PTPRD: variants seen among roughly 807,000 people sequenced by gnomAD.
PTPRD encodes the protein receptor-type tyrosine-protein phosphatase delta.
Under a neutral mutation model 214.5 loss-of-function variants are expected in PTPRD, and 34 were observed. The ratio of observed to expected loss-of-function variants is 0.16; its 90% CI spans 0.12 to 0.21. PTPRD has a LOEUF of 0.21. Ranked by LOEUF, PTPRD falls within the 10% of genes least tolerant of loss-of-function variation. The pLI, the probability that PTPRD is intolerant of heterozygous loss-of-function variation, is 1.00. For missense variants in PTPRD, 2,545 were observed against 2,398.7 expected (o/e 1.06, Z -1.27); for synonymous variants, 1,128 against 845.7 (o/e 1.33, Z -5.79).
At chr9:8,552,759 G>C (rs1419038731) in intron 14 of PTPRD, among the ~76,000 whole-genome samples, 2 of 152,168 alleles carry the variant, frequency 1.3e-5, no homozygotes, top group African/African-American at 2.4e-5. Flanking sequence ...GATTGATAAT[G>C]ACCATAAATT....
intron 4 of PTPRD, among the ~76,000 whole-genome samples, chr9:9,976,712 A>AAAAAAAAAAAAAAAAAAACAAAC (rs2095367893): frequency 7.8e-6 from 1 of 128,536 alleles, no homozygotes; most frequent in Non-Finnish European, 1.7e-5. Flanking sequence ...AAAAAAAAAA[A>AAAAAAAAAAAAAAAAAAACAAAC]TTTACTTTTT....
At chr9:8,384,362 C>T (rs2086222926) in intron 37 of PTPRD, among the ~76,000 whole-genome samples, 1 of 151,958 alleles carries the variant, frequency 6.6e-6, no homozygotes, top group Admixed American at 6.6e-5. Context: ...AATCAATGAA[C>T]TACGCAAAAC....
chr9:10,235,225 T>C (rs1182297299), intron 3 of PTPRD, among the ~76,000 whole-genome samples: 1 of 152,000 alleles, frequency 6.6e-6, no homozygotes, highest in Non-Finnish European at 1.5e-5. Context: ...AGGATTTAGC[T>C]AAACGGATTA....
intron 8 of PTPRD, among the ~76,000 whole-genome samples, chr9:9,474,114 C>G (rs1349748331): frequency 1.3e-5 from 2 of 151,986 alleles, no homozygotes; most frequent in African/African-American, 4.8e-5. Flanking sequence ...AGTCTTTATG[C>G]ATTTTCAGTT....
At position 9,102,300 on chromosome 9, in the gene PTPRD, T is replaced by C. The variant is rs377545738; in HGVS notation, c.-143+81004A>G. On this transcript the variant is annotated intron_variant, in intron 10 of 45. Transcript: ENST00000381196. Reference sequence around the variant, plus strand: ...AAGAAAGAGGCAATTATGATGTGTCTATTCTCTTTTGAATTTACCATTCTA... The same window carrying C: ...AAGAAAGAGGCAATTATGATGTGTCCATTCTCTTTTGAATTTACCATTCTA... Among the ~76,000 whole-genome samples, 5 of 152,354 alleles carry C rather than the reference T, an allele frequency of 3.3e-5. No homozygotes were observed. In the East Asian group the frequency reaches 9.6e-4, roughly 29 times the overall value.
At chr9:9,722,310 A>G (rs566011753) in intron 7 of PTPRD, among the ~76,000 whole-genome samples, 64 of 152,202 alleles carry the variant, frequency 4.2e-4, no homozygotes, top group African/African-American at 1.5e-3. Context: ...AGGTAAACAT[A>G]ATAATAAAAT....
intron 8 of PTPRD, among the ~76,000 whole-genome samples, chr9:9,470,956 C>T (rs190933206): frequency 6.6e-6 from 1 of 152,292 alleles, no homozygotes. Flanking sequence ...GTATCTGGAT[C>T]TTTTCCTCAC....
intron 7 of PTPRD, among the ~76,000 whole-genome samples, chr9:9,710,193 G>A (rs2097699105): frequency 6.6e-6 from 1 of 152,034 alleles, no homozygotes; most frequent in Non-Finnish European, 1.5e-5. Context: ...TATAATGAAG[G>A]TAAGAGAGGG....
intron 2 of PTPRD, among the ~76,000 whole-genome samples, chr9:10,387,158 C>G (rs2097930606): frequency 6.6e-6 from 1 of 151,784 alleles, no homozygotes; most frequent in Admixed American, 6.6e-5. Flanking sequence ...CATTGCTGAG[C>G]TCACCAAATG....
chr9:9,466,587 C>T (rs1418084325), intron 8 of PTPRD, among the ~76,000 whole-genome samples: 1 of 152,120 alleles, frequency 6.6e-6, no homozygotes, highest in Non-Finnish European at 1.5e-5. Context: ...ACTTACTTTT[C>T]ACATGAATGA....
chr9:8,828,967 T>C (rs1313757418), intron 11 of PTPRD, among the ~76,000 whole-genome samples: 3 of 152,142 alleles, frequency 2.0e-5, no homozygotes, highest in African/African-American at 4.8e-5. Context: ...AAGAAACACA[T>C]ATTCTTGGAA....
chr9:10,101,788 A>G (rs2098554179), intron 3 of PTPRD, among the ~76,000 whole-genome samples: 1 of 151,718 alleles, frequency 6.6e-6, no homozygotes, highest in African/African-American at 2.4e-5. Context: ...AAAATCATAA[A>G]TCCTAGCCAC....
Position 8,811,840 on chromosome 9 carries a change from C to T in PTPRD, c.-103-77894G>A, listed in dbSNP as rs79627573. On this transcript the variant is annotated intron_variant, in intron 11 of 45. Coordinates refer to ENST00000381196, the MANE Select transcript of PTPRD (RefSeq NM_002839.4). ...AAATTCACCTTGTTTCCTATGCACA[C>T]TCTTCTTGATATTTCCACCTTTCGC... 4.3e-3 allele frequency among the ~76,000 whole-genome samples: 656 copies of T among 152,326 alleles called. 6 individuals carry two copies. Among genetic ancestry groups the T allele is most frequent in the Middle Eastern group, 0.014 (4 of 294 alleles).
At chr9:9,622,136 GATAGGCAATAAAAAGGCACTA>G (rs2095264439) in intron 7 of PTPRD, among the ~76,000 whole-genome samples, 1 of 152,166 alleles carries the variant, frequency 6.6e-6, no homozygotes, top group Non-Finnish European at 1.5e-5. Flanking sequence ...TTGTTTATCA[GATAGGCAATAAAAAGGCACTA>G]ATGTTCTTCA....
chr9:9,469,747 C>G (rs550117243), intron 8 of PTPRD, among the ~76,000 whole-genome samples: 1 of 152,046 alleles, frequency 6.6e-6, no homozygotes, highest in Non-Finnish European at 1.5e-5. Context: ...GAATCTCTGC[C>G]TGGGCTTCCT....
intron 3 of PTPRD, among the ~76,000 whole-genome samples, chr9:10,311,516 T>C (rs1427276548): frequency 2.0e-5 from 3 of 152,034 alleles, no homozygotes; most frequent in Non-Finnish European, 4.4e-5. Context: ...ATAATTGCAC[T>C]CTCTGCTTCA....
chr9:10,330,506 T>C (rs1290059494), intron 3 of PTPRD, among the ~76,000 whole-genome samples: 4 of 151,850 alleles, frequency 2.6e-5, no homozygotes, highest in Non-Finnish European at 5.9e-5. Flanking sequence ...TTCTAAAACT[T>C]CAAAAGCTTA....
intron 9 of PTPRD, among the ~76,000 whole-genome samples, chr9:9,207,645 G>C (rs1056044759): frequency 5.3e-5 from 8 of 152,114 alleles, no homozygotes; most frequent in African/African-American, 1.9e-4. Context: ...GGATAATTTG[G>C]CAACATCTAG....
chr9:8,721,242 A>G (rs1016685411), intron 12 of PTPRD, among the ~76,000 whole-genome samples: 1 of 151,918 alleles, frequency 6.6e-6, no homozygotes, highest in Non-Finnish European at 1.5e-5. Context: ...TAGCCTGCCC[A>G]ACATGGCAAA....
Sources: gnomAD v4.1 joint callset for allele counts (sites outside exome capture counted in the v4.1 genomes callset) on GRCh38, gnomAD v4.1.1 for gene constraint, MANE v1.5 for transcripts, NCBI Gene and HGNC (gene_info 2026-07-23, HGNC 2026-07-21) for gene names.